The following JAK1 variants were observed in gnomAD, a reference collection of about 807,000 sequenced individuals.
JAK1 encodes the protein Janus kinase 1.
JAK1 carries 16 observed loss-of-function variants against 136.6 expected under a neutral mutation model. The observed-to-expected ratio is 0.12, with a 90% CI of 0.08 to 0.18. JAK1 has a LOEUF of 0.18. Among genes scored for constraint, JAK1 ranks in the 10% least tolerant of loss-of-function variants. JAK1 has a pLI of 1.00. For missense variants in JAK1, 859 were observed against 1,450.1 expected (o/e 0.59, Z 6.62); for synonymous variants, 492 against 519.5 (o/e 0.95, Z 0.72).
In JAK1 at chr1:64,878,571, A is replaced by ATGTG. The variant is rs1285238556; in HGVS notation, c.329+453_329+454insCACA. Among the ~76,000 whole-genome samples the ATGTG allele has an allele frequency of 6.8e-5, 3 of 43,800 alleles. 1 individual carries two copies. Among genetic ancestry groups the ATGTG allele is most frequent in the East Asian group, 6.0e-4 (1 of 1,680 alleles). 28.7% of individuals were successfully genotyped at this position (43,800 alleles called of 152,430 possible). ...TTATATATATAGTGTGTATATATAT[A>ATGTG]TATATATATATATATATATATATAT... is the stretch of plus-strand genomic sequence containing the variant. On this transcript the variant is annotated intron_variant, in intron 4 of 24. Transcript: ENST00000342505.
At position 64,834,559 on chromosome 1, in the gene JAK1, T is replaced by G. The variant is rs376914054; in HGVS notation, c.*3A>C. On this transcript the variant is annotated 3_prime_UTR_variant, in exon 25 of 25. Transcript: ENST00000342505. ...TGTGGAATTTAAATGTTATTCATGC[T>G]TCTTATTTTAAAAGTGCTTCAAATC... 7.6e-6 allele frequency: 12 copies of G among 1,573,682 alleles called. No homozygotes were observed. The African/African-American group carries it at 1.6e-4, about 21-fold the overall frequency.
At chr1:64,874,261 C>T (rs1195707770) in intron 4 of JAK1, among the ~76,000 whole-genome samples, 1 of 152,042 alleles carries the variant, frequency 6.6e-6, no homozygotes, top group Non-Finnish European at 1.5e-5. Flanking sequence ...GGGTTTGAAC[C>T]ACAGAAGTCC....
At chr1:64,908,994 G>T (rs1019667527) in intron 1 of JAK1, among the ~76,000 whole-genome samples, 1 of 152,164 alleles carries the variant, frequency 6.6e-6, no homozygotes, top group Non-Finnish European at 1.5e-5. Flanking sequence ...AAGAATGAAT[G>T]AATGAATGAA....
intron 2 of JAK1, among the ~76,000 whole-genome samples, chr1:65,038,323 T>A (rs1647096577): frequency 6.6e-6 from 1 of 151,444 alleles, no homozygotes; most frequent in Non-Finnish European, 1.5e-5. Context: ...CTCAGCTTGC[T>A]GAGTAGCTGG....
At position 64,914,613 on chromosome 1, in the gene JAK1, G is replaced by A. The variant is rs1409158414; in HGVS notation, c.-77-28272C>T. On this transcript the variant is annotated intron_variant, in intron 1 of 24. Transcript: ENST00000342505. ...AGAGTCTCATCTGTCACCCAGGCTG[G>A]AGCGCAGTGGCGTGATCTCAGCTCA... Among the ~76,000 whole-genome samples the A allele has an allele frequency of 3.9e-5, 6 of 152,270 alleles. No individual in the cohort carries two copies. In the East Asian group the frequency reaches 1.2e-3, roughly 29 times the overall value.
At chr1:65,025,024 T>C (rs1375953502) in intron 2 of JAK1, among the ~76,000 whole-genome samples, 1 of 152,080 alleles carries the variant, frequency 6.6e-6, no homozygotes, top group Non-Finnish European at 1.5e-5. Flanking sequence ...TCTCCCCTCT[T>C]AGCTCTGTTT....
chr1:65,051,393 T>G (rs1038042206), intron 1 of JAK1, among the ~76,000 whole-genome samples: 2 of 152,114 alleles, frequency 1.3e-5, no homozygotes. Flanking sequence ...TTCCAGAGGA[T>G]CTAAGCTTCT....
chr1:65,013,561 C>G (rs1354270464), intron 2 of JAK1, among the ~76,000 whole-genome samples: 5 of 152,178 alleles, frequency 3.3e-5, no homozygotes, highest in Admixed American at 1.3e-4. Flanking sequence ...TAATCACTTG[C>G]TGGCATTATT....
At chr1:64,968,254 C>G (rs1295646155), upstream of JAK1, among the ~76,000 whole-genome samples, 1 of 151,760 alleles carries the variant, frequency 6.6e-6, no homozygotes, top group Non-Finnish European at 1.5e-5. Context: ...TAGATCTGTT[C>G]GTCTATAACA....
At chr1:65,067,135 AGGCCC>A (rs942736288) in intron 1 of JAK1, among the ~76,000 whole-genome samples, 7 of 151,520 alleles carry the variant, frequency 4.6e-5, no homozygotes, top group South Asian at 2.1e-4. Context: ...CGGAGTGCGG[AGGCCC>A]GGCCCGGCCC....
intron 1 of JAK1, among the ~76,000 whole-genome samples, chr1:64,941,269 G>T (rs1645885585): frequency 6.6e-6 from 1 of 152,084 alleles, no homozygotes; most frequent in Non-Finnish European, 1.5e-5. Flanking sequence ...AATCCCTAAT[G>T]GTTCAAAAGG....
rs77569221 is a variant in JAK1 at position 65,053,945 on chromosome 1, A to C, written c.-180-9363T>G. On this transcript the variant is annotated intron_variant, in intron 1 of 25. Coordinates refer to the JAK1 transcript ENST00000671954. ...GAAATTAGCGTGGCAGGCAAGAACAACAGCTAGCTGTCTGCTCCAACTCTG... is the reference window on the plus strand; with the variant it reads ...GAAATTAGCGTGGCAGGCAAGAACACCAGCTAGCTGTCTGCTCCAACTCTG... Among the ~76,000 whole-genome samples the C allele has an allele frequency of 3.2e-3, 484 of 152,348 alleles. 8 individuals are homozygous for C. The East Asian group carries it at 0.042, about 13-fold the overall frequency.
In JAK1 at chr1:64,833,333, T is replaced by TAA; in HGVS notation, c.*1227_*1228dup. 1 of 232,774 alleles carries TAA rather than the reference T, an allele frequency of 4.3e-6. No homozygotes were observed. Among genetic ancestry groups the TAA allele is most frequent in the African/African-American group, 2.2e-5 (1 of 45,398 alleles). The allele number at this position is 232,774 out of a possible 1,614,324, so 14.4% of individuals were successfully genotyped here. ...TGGTGATGTAGGCTATGAACAAATT[T>TAA]AAATGGCAACTTCATTGCTGCCACT... On this transcript the variant is annotated 3_prime_UTR_variant, in exon 25 of 25. Transcript: ENST00000342505.
chr1:64,926,321 A>G (rs541212367), intron 1 of JAK1, among the ~76,000 whole-genome samples: 1 of 151,440 alleles, frequency 6.6e-6, no homozygotes, highest in South Asian at 2.1e-4. Flanking sequence ...CTGCTCCAGT[A>G]TATGTGACTC....
intron 2 of JAK1, among the ~76,000 whole-genome samples, chr1:65,007,945 A>G (rs143997393): frequency 9.2e-5 from 14 of 151,962 alleles, no homozygotes; most frequent in African/African-American, 1.9e-4. Flanking sequence ...AGGTTTTACC[A>G]TGTTGTACAG....
At chr1:65,048,358 T>C (rs79349195) in intron 1 of JAK1, among the ~76,000 whole-genome samples, 90 of 152,328 alleles carry the variant, frequency 5.9e-4, no homozygotes, top group Admixed American at 1.3e-3. Context: ...ATATTATTAT[T>C]ACCATTGTCC....
Position 65,048,650 on chromosome 1 carries a change from TGA to T in JAK1, c.-180-4070_-180-4069del, listed in dbSNP as rs574758769. ...TTTAAAATAGTTCTTCGTATAAATCTGAGAGTTTAGCCAAAAAACAGTCCAAA... is the reference window on the plus strand; with the variant it reads ...TTTAAAATAGTTCTTCGTATAAATCTGAGTTTAGCCAAAAAACAGTCCAAA... On this transcript the variant is annotated intron_variant, in intron 1 of 25. Coordinates refer to the JAK1 transcript ENST00000671954. Among the ~76,000 whole-genome samples the T allele has an allele frequency of 1.2e-4, 18 of 152,300 alleles. No individual in the cohort carries two copies. In the South Asian group the frequency reaches 3.7e-3, roughly 32 times the overall value.
At position 64,934,443 on chromosome 1, in the gene JAK1, C is replaced by G. The variant is rs79741382; in HGVS notation, c.-78+31890G>C. 4.5e-4 allele frequency among the ~76,000 whole-genome samples: 68 copies of G among 152,234 alleles called. No homozygotes were observed. The East Asian group carries it at 0.013, about 29-fold the overall frequency. On this transcript the variant is annotated intron_variant, in intron 1 of 24. Coordinates refer to ENST00000342505, the MANE Select transcript of JAK1 (RefSeq NM_002227.4). The stretch of plus-strand genomic sequence containing the variant: ...CTAACTGGGAGACGTGGCATCACTG[C>G]AAGCAGAGGTTGTCGTGACTCATCA...
chr1:64,875,599 A>G (rs912407627), intron 4 of JAK1, among the ~76,000 whole-genome samples: 1 of 152,246 alleles, frequency 6.6e-6, no homozygotes, highest in Non-Finnish European at 1.5e-5. Flanking sequence ...GTAAAAACCA[A>G]CATTTTTATA....
Sources: allele counts gnomAD v4.1 joint callset (sites outside exome capture counted in the v4.1 genomes callset), GRCh38; gene constraint gnomAD v4.1.1; transcripts MANE v1.5; gene names NCBI Gene and HGNC (gene_info 2026-07-23, HGNC 2026-07-21).